The following SCRG1 variants were observed in gnomAD, a reference collection of about 807,000 sequenced individuals.
SCRG1 encodes scrapie-responsive protein 1.
SCRG1 carries 3 observed loss-of-function variants against 7.7 expected under a neutral mutation model. That is an observed-to-expected ratio of 0.39 (90% CI 0.18 to 1.01). The LOEUF (loss-of-function observed/expected upper bound fraction) is 1.01, where lower values mean the gene tolerates loss of function less well. Ranked by LOEUF, SCRG1 falls within the 50% of genes least tolerant of loss-of-function variation. The pLI is 0.36. For missense variants in SCRG1, 110 were observed against 117.2 expected (o/e 0.94, Z 0.28); for synonymous variants, 46 against 41.2 (o/e 1.12, Z -0.44).
the SCRG1 span, among the ~76,000 whole-genome samples, chr4:173,491,527 C>T: frequency 2.6e-5 from 4 of 152,132 alleles, no homozygotes; most frequent in African/African-American, 9.7e-5. Context: ...ACAAAAATTA[C>T]TTAAGTGGCA....
At chr4:173,482,109 C>T in the SCRG1 span, among the ~76,000 whole-genome samples, 3 of 152,128 alleles carry the variant, frequency 2.0e-5, no homozygotes, top group Non-Finnish European at 2.9e-5. Flanking sequence ...TGCTGGAATT[C>T]ATTTCCTGTA....
At chr4:173,493,417 T>C in the SCRG1 span, among the ~76,000 whole-genome samples, 1 of 152,078 alleles carries the variant, frequency 6.6e-6, no homozygotes, top group Non-Finnish European at 1.5e-5. Context: ...ATTGAGAAAT[T>C]AAAGAATTTA....
the SCRG1 span, among the ~76,000 whole-genome samples, chr4:173,496,909 A>G: frequency 6.6e-6 from 1 of 152,096 alleles, no homozygotes; most frequent in African/African-American, 2.4e-5. Context: ...GATCGAGTCC[A>G]TCCTGGCTAA....
chr4:173,450,013 T>C, the SCRG1 span, among the ~76,000 whole-genome samples: 2 of 152,324 alleles, frequency 1.3e-5, no homozygotes, highest in Non-Finnish European at 2.9e-5. Flanking sequence ...GTTTTCACAC[T>C]GGTATAAAGA....
the SCRG1 span, chr4:173,468,105 A>G: frequency 6.6e-6 from 1 of 152,656 alleles, no homozygotes; most frequent in Non-Finnish European, 1.5e-5. Flanking sequence ...GTGCCACATA[A>G]CAATGTTTCC....
the SCRG1 span, among the ~76,000 whole-genome samples, chr4:173,511,987 T>C: frequency 6.6e-6 from 1 of 152,196 alleles, no homozygotes; most frequent in African/African-American, 2.4e-5. This position sits in a 1 kb window ranked among gnomAD's most constrained non-coding sequence, Gnocchi z 5.2. Context: ...ACATGATTCA[T>C]TAGGACTGTA....
the SCRG1 span, among the ~76,000 whole-genome samples, chr4:173,434,384 C>T: frequency 1.3e-5 from 2 of 152,144 alleles, no homozygotes; most frequent in African/African-American, 4.8e-5. Flanking sequence ...AATCCTTTCT[C>T]AGGCCTCTAT....
the SCRG1 span, among the ~76,000 whole-genome samples, chr4:173,496,167 A>T: frequency 6.6e-6 from 1 of 152,338 alleles, no homozygotes; most frequent in African/African-American, 2.4e-5. Context: ...TGAATGAAAG[A>T]TTTTAAGTAG....
chr4:173,485,083 A>T, the SCRG1 span, among the ~76,000 whole-genome samples: 34 of 6,904 alleles, frequency 4.9e-3, no homozygotes, highest in Admixed American at 0.012. Context: ...ATATTATATA[A>T]TATATTATAT....
At chr4:173,482,977 T>C in the SCRG1 span, among the ~76,000 whole-genome samples, 1 of 132,742 alleles carries the variant, frequency 7.5e-6, no homozygotes, top group Non-Finnish European at 1.5e-5. Flanking sequence ...ATATATAATA[T>C]ATAATATATT....
At position 173,386,140 on chromosome 4, in the gene SCRG1, CT is replaced by C. The variant is rs200091385; in HGVS notation, c.*2200del. ...ATGTTCTGACTTGTGTTTATATACA[CT>C]TTTTTTTTGGGGGGACGGAGTCTCA... On this transcript the variant is annotated 3_prime_UTR_variant, in exon 3 of 3. Coordinates refer to ENST00000296506, the MANE Select transcript of SCRG1 (RefSeq NM_007281.4). The C allele has an allele frequency of 1.3e-5, 2 of 150,880 alleles. No individual in the cohort carries two copies. Among genetic ancestry groups the C allele is most frequent in the Non-Finnish European group, 3.0e-5 (2 of 67,674 alleles). 9.3% of individuals were successfully genotyped at this position (150,880 alleles called of 1,614,324 possible). A position where few individuals can be genotyped will look rare whatever the true frequency, so the allele number is the denominator to read the frequency against.
At chr4:173,391,466 T>C (rs1739443909) in intron 1 of SCRG1, 38 bp from the exon 2 acceptor site, 3 of 1,602,878 alleles carry the variant, frequency 1.9e-6, no homozygotes, top group South Asian at 2.2e-5. Flanking sequence ...TCAATGTTTG[T>C]TTTTTAAAGA....
chr4:173,436,903 T>A, the SCRG1 span, among the ~76,000 whole-genome samples: 1 of 152,194 alleles, frequency 6.6e-6, no homozygotes, highest in South Asian at 2.1e-4. Flanking sequence ...TGATTTTAAT[T>A]GCTTCACTCA....
chr4:173,401,072 A>C (rs777724249), upstream of SCRG1, among the ~76,000 whole-genome samples: 3 of 152,178 alleles, frequency 2.0e-5, no homozygotes, highest in Non-Finnish European at 2.9e-5. Flanking sequence ...ACACGTGCAC[A>C]CCCTGATATG....
At chr4:173,490,059 C>T in the SCRG1 span, among the ~76,000 whole-genome samples, 1 of 152,108 alleles carries the variant, frequency 6.6e-6, no homozygotes, top group Admixed American at 6.5e-5. Flanking sequence ...GTCATTAAAT[C>T]AGAAAAATCC....
At chr4:173,452,872 A>G in the SCRG1 span, among the ~76,000 whole-genome samples, 3 of 152,212 alleles carry the variant, frequency 2.0e-5, no homozygotes, top group African/African-American at 7.2e-5. Flanking sequence ...GAAATACAAT[A>G]CAGATTTCTA....
At chr4:173,492,978 C>T in the SCRG1 span, among the ~76,000 whole-genome samples, 1 of 152,310 alleles carries the variant, frequency 6.6e-6, no homozygotes, top group Non-Finnish European at 1.5e-5. Flanking sequence ...CACTGAGTCA[C>T]AGGCCTTAGT....
At chr4:173,423,658 CTTT>C in the SCRG1 span, among the ~76,000 whole-genome samples, 21 of 150,926 alleles carry the variant, frequency 1.4e-4, no homozygotes, top group African/African-American at 4.9e-4. Flanking sequence ...TCTTTTATCT[CTTT>C]TTTTTTAATT....
the SCRG1 span, among the ~76,000 whole-genome samples, chr4:173,436,091 G>A: frequency 0.039 from 5,238 of 133,276 alleles, 139 homozygotes; most frequent in Middle Eastern, 0.066. Flanking sequence ...CAATTAAAAG[G>A]ATGAAAAAAA....
Sources: allele counts gnomAD v4.1 joint callset (sites outside exome capture counted in the v4.1 genomes callset), GRCh38; gene constraint gnomAD v4.1.1; non-coding constraint Gnocchi (gnomAD v3.1); transcripts MANE v1.5; gene names NCBI Gene and HGNC (gene_info 2026-07-23, HGNC 2026-07-21).